The following TMCO5A variants were observed in gnomAD, a reference collection of about 807,000 sequenced individuals.
The protein encoded by TMCO5A is transmembrane and coiled-coil domain-containing protein 5A.
Under a neutral mutation model 42.3 loss-of-function variants are expected in TMCO5A, and 34 were observed. That is an observed-to-expected ratio of 0.80 (90% CI 0.61 to 1.07). TMCO5A has a LOEUF of 1.07. Among genes scored for constraint, TMCO5A ranks in the 50% least tolerant of loss-of-function variants. TMCO5A has a pLI of 0.00. For missense variants in TMCO5A, 357 were observed against 327.9 expected (o/e 1.09, Z -0.69); for synonymous variants, 131 against 115.6 (o/e 1.13, Z -0.86).
rs558748883 is a variant in TMCO5A, at chr15:37,966,476, A to T, written c.669-149A>T. The T allele has an allele frequency of 3.8e-5, 24 of 634,852 alleles. No individual in the cohort carries two copies. In the African/African-American group the frequency reaches 4.0e-4, roughly 11 times the overall value. 39.3% of individuals were successfully genotyped at this position (634,852 alleles called of 1,614,324 possible). On this transcript the variant is annotated intron_variant, in intron 11 of 11. Transcript: ENST00000559502. Reference sequence around the variant, plus strand: ...ACTCATCGCATGCCTGTTTCAAAACATCTCATATACCCCATAAATATACAC... The same window carrying T: ...ACTCATCGCATGCCTGTTTCAAAACTTCTCATATACCCCATAAATATACAC...
At chr15:37,959,637 T>C (rs1416663584) in intron 11 of TMCO5A, among the ~76,000 whole-genome samples, 1 of 152,026 alleles carries the variant, frequency 6.6e-6, no homozygotes, top group Non-Finnish European at 1.5e-5. Flanking sequence ...AATTCAACAA[T>C]GCTTCATGAT....
chr15:37,940,574 C>T (rs928950362), intron 6 of TMCO5A, among the ~76,000 whole-genome samples: 3 of 152,112 alleles, frequency 2.0e-5, no homozygotes, highest in Non-Finnish European at 4.4e-5. Context: ...ATAGCACATA[C>T]CATTATCATG....
chr15:37,970,411 C>A (rs1890651509), downstream of TMCO5A, among the ~76,000 whole-genome samples: 1 of 152,200 alleles, frequency 6.6e-6, no homozygotes, highest in East Asian at 1.9e-4. Context: ...TATCTCCCAC[C>A]AGGTCCCTCC....
chr15:37,953,249 G>C (rs1372556496), downstream of TMCO5A, among the ~76,000 whole-genome samples: 1 of 152,134 alleles, frequency 6.6e-6, no homozygotes, highest in Non-Finnish European at 1.5e-5. Context: ...ACTACAGCAG[G>C]ACTCGGGTAA....
At chr15:37,962,033 T>C (rs964763618) in intron 11 of TMCO5A, among the ~76,000 whole-genome samples, 2 of 152,102 alleles carry the variant, frequency 1.3e-5, no homozygotes, top group African/African-American at 4.8e-5. Flanking sequence ...CCTTTATTTT[T>C]TTCTCTTGTC....
chr15:37,977,965 A>T, the TMCO5A span, among the ~76,000 whole-genome samples: 1 of 152,204 alleles, frequency 6.6e-6, no homozygotes, highest in Middle Eastern at 3.2e-3. Flanking sequence ...AGGCTGCAGC[A>T]TGCTAGAGGT....
chr15:38,033,559 A>ATTTTT, the TMCO5A span, among the ~76,000 whole-genome samples: 659 of 145,464 alleles, frequency 4.5e-3, 4 homozygotes, highest in African/African-American at 0.016. Flanking sequence ...TTCTCCCTCC[A>ATTTTT]TTTTTTTTTT....
chr15:38,000,715 C>T, the TMCO5A span, among the ~76,000 whole-genome samples: 2 of 152,014 alleles, frequency 1.3e-5, no homozygotes, highest in South Asian at 2.1e-4. Flanking sequence ...TTTCCATTAT[C>T]ATTTATTTCA....
At chr15:37,957,254 G>A (rs1890314267) in intron 11 of TMCO5A, among the ~76,000 whole-genome samples, 1 of 152,120 alleles carries the variant, frequency 6.6e-6, no homozygotes, top group Non-Finnish European at 1.5e-5. Context: ...AATCAAGCAA[G>A]AGAAAGAAAT....
At chr15:38,039,868 G>A in the TMCO5A span, 4 of 152,190 alleles carry the variant, frequency 2.6e-5, no homozygotes, top group Non-Finnish European at 5.9e-5. Context: ...GAATTAGCTG[G>A]TCCTCTGCTC....
chr15:37,942,271 G>T lies in TMCO5A; in HGVS notation c.569+16G>T, dbSNP rs764233127. 1.2e-6 allele frequency: 2 copies of T among 1,610,726 alleles called. No individual in the cohort carries two copies. The highest frequency in any genetic ancestry group is 4.5e-5 in the East Asian group (2 of 44,838). Reference sequence around the variant, plus strand: ...AGAGAGAAGTGTGAGCTTTGGCAAAGGAACATCCTGGTTTTGGTAGAAACT... The same window carrying T: ...AGAGAGAAGTGTGAGCTTTGGCAAATGAACATCCTGGTTTTGGTAGAAACT... On this transcript the variant is annotated intron_variant, in intron 9 of 11. Coordinates refer to ENST00000319669, the MANE Select transcript of TMCO5A (RefSeq NM_152453.4).
At chr15:37,973,146 T>C in the TMCO5A span, among the ~76,000 whole-genome samples, 50 of 143,482 alleles carry the variant, frequency 3.5e-4, no homozygotes, top group Middle Eastern at 0.017. Flanking sequence ...TGTTTTTATT[T>C]TCTTTTTTTC....
chr15:37,949,726 A>G (rs910357903), intron 11 of TMCO5A, among the ~76,000 whole-genome samples: 1 of 152,058 alleles, frequency 6.6e-6, no homozygotes, highest in East Asian at 1.9e-4. Flanking sequence ...AAAAATAAAA[A>G]TCTTCAAAAC....
intron 11 of TMCO5A, among the ~76,000 whole-genome samples, chr15:37,958,202 A>G (rs1890339524): frequency 6.6e-6 from 1 of 152,188 alleles, no homozygotes; most frequent in African/African-American, 2.4e-5. Flanking sequence ...TGACTAAAAC[A>G]CCAAAAGCAA....
rs535682191 is a variant in TMCO5A, at chr15:37,961,844, A to G, written c.669-4781A>G. Among the ~76,000 whole-genome samples, 20 of 151,928 alleles carry G rather than the reference A, an allele frequency of 1.3e-4. 1 individual carries two copies. In the East Asian group the frequency reaches 3.7e-3, roughly 28 times the overall value. ...GATTTCATTCTCCACTTGGTCACTCACTGTTGGTATATAGAAGAGCTACTG... is the reference window on the plus strand; with the variant it reads ...GATTTCATTCTCCACTTGGTCACTCGCTGTTGGTATATAGAAGAGCTACTG... On this transcript the variant is annotated intron_variant, in intron 11 of 11. Coordinates refer to the TMCO5A transcript ENST00000559502.
Position 37,944,998 on chromosome 15 carries a change from C to T in TMCO5A, c.627+1600C>T, listed in dbSNP as rs576276355. 2.6e-5 allele frequency among the ~76,000 whole-genome samples: 4 copies of T among 152,074 alleles called. No individual in the cohort carries two copies. In the South Asian group the frequency reaches 8.3e-4, roughly 32 times the overall value. On this transcript the variant is annotated intron_variant, in intron 10 of 11. Transcript: ENST00000319669. Reference sequence around the variant, plus strand: ...AGGTATTAAGCCCAGCATCTACTAGCTATTCTTCCTAATGCTCTCCCTCCC... The same window carrying T: ...AGGTATTAAGCCCAGCATCTACTAGTTATTCTTCCTAATGCTCTCCCTCCC...
the TMCO5A span, among the ~76,000 whole-genome samples, chr15:38,037,184 A>G: frequency 6.6e-6 from 1 of 152,202 alleles, no homozygotes; most frequent in Admixed American, 6.5e-5. Context: ...ACTGAACTGC[A>G]ATAGGTGGGG....
intron 11 of TMCO5A, 118 bp from the exon 12 acceptor site, chr15:37,950,918 G>A: frequency 2.4e-6 from 2 of 819,930 alleles, no homozygotes; most frequent in Non-Finnish European, 3.9e-6. Flanking sequence ...GTCAGGAAAG[G>A]GGGTGATAAT....
chr15:38,011,131 C>T, the TMCO5A span, among the ~76,000 whole-genome samples: 2 of 152,162 alleles, frequency 1.3e-5, no homozygotes, highest in African/African-American at 2.4e-5. Context: ...GGGTCAGGAA[C>T]CTGGGCACAG....
Sources: gnomAD v4.1 joint callset for allele counts (sites outside exome capture counted in the v4.1 genomes callset) on GRCh38, gnomAD v4.1.1 for gene constraint, MANE v1.5 for transcripts, NCBI Gene and HGNC (gene_info 2026-07-23, HGNC 2026-07-21) for gene names.